KLHL29: variants seen among roughly 807,000 people sequenced by gnomAD.
KLHL29 encodes the protein kelch like family member 29, also known as kelch-like protein 29.
Under a neutral mutation model 80.4 loss-of-function variants are expected in KLHL29, and 21 were observed. The observed-to-expected ratio is 0.26, with a 90% confidence interval of 0.19 to 0.38. The LOEUF is 0.38. Ranked by LOEUF, KLHL29 falls within the 10% of genes least tolerant of loss-of-function variation. The pLI is 1.00. For missense variants in KLHL29, 867 were observed against 1,223.9 expected, an observed-to-expected ratio of 0.71 and a Z score of 4.35; for synonymous variants, 511 against 526.8, an observed-to-expected ratio of 0.97 and a Z score of 0.41.
intron 2 of KLHL29, among the ~76,000 whole-genome samples, chr2:23,535,431 C>T (rs1324300217): frequency 6.6e-6 from 1 of 152,208 alleles, no homozygotes; most frequent in African/African-American, 2.4e-5. Flanking sequence ...TAAAATCTAA[C>T]AGATATTTGT....
chr2:23,618,579 C>T lies in KLHL29; in HGVS notation c.286-20560C>T, dbSNP rs139280591. The stretch of plus-strand genomic sequence containing the variant: ...ACATCCGCTCTTCTTGGGTCTCAAG[C>T]CTGCAGGCTTTTGGACTGGAACTAT... On this transcript the variant is annotated intron_variant, in intron 3 of 13. Transcript: ENST00000486442. Among the ~76,000 whole-genome samples the T allele has an allele frequency of 1.1e-4, 17 of 152,314 alleles. No individual in the cohort carries two copies. In the East Asian group the frequency reaches 3.3e-3, roughly 29 times the overall value.
intron 2 of KLHL29, among the ~76,000 whole-genome samples, chr2:23,547,338 A>G (rs886535387): frequency 6.6e-6 from 1 of 152,186 alleles, no homozygotes; most frequent in Non-Finnish European, 1.5e-5. Context: ...ACCAGATATG[A>G]TAAGAGTTCT....
chr2:23,427,651 G>A (rs186046118), intron 1 of KLHL29, among the ~76,000 whole-genome samples: 31 of 152,308 alleles, frequency 2.0e-4, no homozygotes, highest in Admixed American at 5.9e-4. Flanking sequence ...GTGGTCAGGC[G>A]TTTTGGTGTC....
At chr2:23,662,994 C>T (rs1670454828) in intron 5 of KLHL29, among the ~76,000 whole-genome samples, 1 of 152,180 alleles carries the variant, frequency 6.6e-6, no homozygotes, top group African/African-American at 2.4e-5. Flanking sequence ...TTTTCCTGGC[C>T]TGTACAATGG....
At chr2:23,502,315 A>G (rs1205594021) in intron 2 of KLHL29, among the ~76,000 whole-genome samples, 1 of 152,262 alleles carries the variant, frequency 6.6e-6, no homozygotes, top group South Asian at 2.1e-4. Flanking sequence ...ATCGGTCTGC[A>G]TAATCAGCAT....
rs950423606 is a variant in KLHL29 at position 23,525,741 on chromosome 2, C to G, written c.-45-36411C>G. On this transcript the variant is annotated intron_variant, in intron 2 of 13. Coordinates refer to ENST00000486442, the MANE Select transcript of KLHL29 (RefSeq NM_052920.2). ...CCCAGCCCCTGCCCCCCCCCCCCAC[C>G]CGAGGCGAGCCAGCAGAGCCAGGGC... 4.9e-4 allele frequency among the ~76,000 whole-genome samples: 56 copies of G among 113,264 alleles called. No homozygotes were observed. In the South Asian group the frequency reaches 0.01, roughly 20 times the overall value. 74.3% of individuals were successfully genotyped at this position (113,264 alleles called of 152,430 possible).
Position 23,515,236 on chromosome 2 carries a change from A to G in KLHL29, c.-46+39569A>G, listed in dbSNP as rs554719741. On this transcript the variant is annotated intron_variant, in intron 2 of 13. Transcript: ENST00000486442. ...CTCTGAACAGCCTGTAAAGCCCCCC[A>G]TATCCCCCTGCACCCTAGGACCTGG... Among the ~76,000 whole-genome samples, 4 of 152,020 alleles carry G rather than the reference A, an allele frequency of 2.6e-5. No individual in the cohort carries two copies. The East Asian group carries it at 7.7e-4, about 29-fold the overall frequency.
rs185186781 is a variant in KLHL29 at position 23,645,022 on chromosome 2, T to A, written c.940+2172T>A. Among the ~76,000 whole-genome samples, 5 of 152,354 alleles carry A rather than the reference T, an allele frequency of 3.3e-5. No homozygotes were observed. In the East Asian group the frequency reaches 9.6e-4, roughly 29 times the overall value. On this transcript the variant is annotated intron_variant, in intron 5 of 13. Coordinates refer to ENST00000486442, the MANE Select transcript of KLHL29 (RefSeq NM_052920.2). ...GTAACTCGCTTCTCTATTTACGGCC[T>A]CATCAGCTGATGGAGCCCCTTATAT...
rs546251270 is a variant in KLHL29, at chr2:23,406,055, G to A, written c.-154+20275G>A. Among the ~76,000 whole-genome samples the A allele has an allele frequency of 5.9e-5, 9 of 152,254 alleles. No individual in the cohort carries two copies. The South Asian group carries it at 6.2e-4, about 11-fold the overall frequency. On this transcript the variant is annotated intron_variant, in intron 1 of 13. Transcript: ENST00000486442. ...AATAAATATATTGTCTAGGCTGAGC[G>A]TGGTGGCTCACGCCTGTACTCCTAC...
chr2:23,691,899 T>C (rs1305139151), intron 7 of KLHL29, 23 bp downstream of exon 7: 1 of 1,544,532 alleles, frequency 6.5e-7, no homozygotes. Flanking sequence ...GCCACATATG[T>C]CGCTTGGGGG....
At chr2:23,691,627 G>A (rs749399698) in intron 6 of KLHL29, 47 bp from the exon 7 acceptor site, 27 of 1,495,802 alleles carry the variant, frequency 1.8e-5, no homozygotes, top group African/African-American at 5.6e-5. Context: ...GAAGCGGCAC[G>A]GTGGCCGCAG....
At chr2:23,551,598 ATT>A (rs1667131599) in intron 2 of KLHL29, among the ~76,000 whole-genome samples, 1 of 152,252 alleles carries the variant, frequency 6.6e-6, no homozygotes, top group Non-Finnish European at 1.5e-5. Context: ...TAGATCATGT[ATT>A]AAGCCCTGTC....
At chr2:23,547,575 T>G (rs965390284) in intron 2 of KLHL29, among the ~76,000 whole-genome samples, 1 of 151,950 alleles carries the variant, frequency 6.6e-6, no homozygotes, top group African/African-American at 2.4e-5. Flanking sequence ...AAGTGTTCGC[T>G]TTCCGTAGTA....
At chr2:23,662,588 C>T (rs1171399518) in intron 5 of KLHL29, among the ~76,000 whole-genome samples, 2 of 152,192 alleles carry the variant, frequency 1.3e-5, no homozygotes, top group Admixed American at 6.5e-5. Context: ...CCCTCCCTCC[C>T]CAAAGGCAAG....
At chr2:23,417,493 T>A (rs1445861542) in intron 1 of KLHL29, among the ~76,000 whole-genome samples, 1 of 152,226 alleles carries the variant, frequency 6.6e-6, no homozygotes, top group Non-Finnish European at 1.5e-5. Flanking sequence ...AGGTACCTTG[T>A]CTTGATCCTG....
intron 5 of KLHL29, chr2:23,668,710 A>G (rs1380169408): frequency 6.6e-6 from 1 of 152,156 alleles, no homozygotes; most frequent in Admixed American, 6.5e-5. Context: ...AGGGAGCCCC[A>G]GAGCTTGGTT....
chr2:23,443,728 TC>T (rs1558340461), intron 1 of KLHL29, among the ~76,000 whole-genome samples: 1 of 152,244 alleles, frequency 6.6e-6, no homozygotes, highest in Non-Finnish European at 1.5e-5. Context: ...TGGCATCACT[TC>T]CAGCACATAA....
intron 3 of KLHL29, among the ~76,000 whole-genome samples, chr2:23,568,864 G>C (rs1205614084): frequency 1.3e-5 from 2 of 152,210 alleles, no homozygotes; most frequent in East Asian, 1.9e-4. Context: ...CAGGCAGAAA[G>C]GATTACTCTC....
intron 2 of KLHL29, among the ~76,000 whole-genome samples, chr2:23,517,316 G>T (rs1008390079): frequency 2.0e-5 from 3 of 152,208 alleles, no homozygotes; most frequent in African/African-American, 7.2e-5. Flanking sequence ...AGGCCGAGGC[G>T]GGTGGATCAT....
Sources: gnomAD v4.1 joint callset for allele counts (sites outside exome capture counted in the v4.1 genomes callset) on GRCh38, gnomAD v4.1.1 for gene constraint, MANE v1.5 for transcripts, NCBI Gene and HGNC (gene_info 2026-07-23, HGNC 2026-07-21) for gene names.